Variants in INPP4B observed in about 807,000 individuals in gnomAD.
INPP4B encodes inositol polyphosphate 4-phosphatase type II.
Under a neutral mutation model 122.5 loss-of-function variants are expected in INPP4B, and 55 were observed. The ratio of observed to expected loss-of-function variants is 0.45; its 90% CI spans 0.36 to 0.56. The LOEUF (loss-of-function observed/expected upper bound fraction) is 0.56. INPP4B is among the 20% of genes least tolerant of loss of function. The probability of loss-of-function intolerance (pLI) is 0.00; values close to 1 mark genes in which losing one functional copy is unlikely to be tolerated. For missense variants in INPP4B, 1,000 were observed against 1,097.7 expected (o/e 0.91, Z 1.26); for synonymous variants, 403 against 388.7 (o/e 1.04, Z -0.43).
chr4:142,690,064 A>G (rs1190022527), intron 2 of INPP4B, among the ~76,000 whole-genome samples: 1 of 152,188 alleles, frequency 6.6e-6, no homozygotes, highest in Non-Finnish European at 1.5e-5. Flanking sequence ...ACTGAGTGAC[A>G]TGATTAGCTA....
At chr4:142,802,043 C>T (rs1052721963) in intron 1 of INPP4B, among the ~76,000 whole-genome samples, 1 of 152,114 alleles carries the variant, frequency 6.6e-6, no homozygotes, top group South Asian at 2.1e-4. Flanking sequence ...AGGACTTGGT[C>T]ACATACAGAA....
chr4:142,468,416 T>A (rs1175415912), intron 2 of INPP4B, among the ~76,000 whole-genome samples: 1 of 152,172 alleles, frequency 6.6e-6, no homozygotes, highest in Non-Finnish European at 1.5e-5. Context: ...GCCATGTAAG[T>A]CAGCAAATTC....
intron 7 of INPP4B, among the ~76,000 whole-genome samples, chr4:142,371,864 G>A (rs980374791): frequency 4.0e-5 from 6 of 151,274 alleles, no homozygotes; most frequent in South Asian, 2.1e-4. Flanking sequence ...TATGGAAAAC[G>A]GCATGGAAGT....
At position 142,033,106 on chromosome 4, in the gene INPP4B, C is replaced by A. The variant is rs533064337; in HGVS notation, c.2643-4192G>T. Among the ~76,000 whole-genome samples the A allele has an allele frequency of 5.9e-5, 9 of 152,268 alleles. No individual in the cohort carries two copies. The South Asian group carries it at 1.9e-3, about 32-fold the overall frequency. ...AAGAAAAGGAATCTGAACAATTGCT[C>A]ATCTGAGGGCCATGTGGGTCTCCAA... is the stretch of plus-strand genomic sequence containing the variant. On this transcript the variant is annotated intron_variant, in intron 25 of 25. Transcript: ENST00000262992.
intron 2 of INPP4B, among the ~76,000 whole-genome samples, chr4:142,501,944 A>C (rs528295457): frequency 6.6e-6 from 1 of 152,136 alleles, no homozygotes; most frequent in Non-Finnish European, 1.5e-5. Context: ...ACCCGTGAGC[A>C]TGGAAGTCAA....
At chr4:142,188,428 A>C (rs1254756649) in intron 15 of INPP4B, among the ~76,000 whole-genome samples, 1 of 133,064 alleles carries the variant, frequency 7.5e-6, no homozygotes, top group Admixed American at 9.1e-5. Flanking sequence ...CAGAGCTTGC[A>C]GTGAGCGAAG....
intron 11 of INPP4B, among the ~76,000 whole-genome samples, chr4:142,241,889 T>C (rs1031754582): frequency 2.0e-5 from 3 of 152,194 alleles, no homozygotes; most frequent in African/African-American, 7.2e-5. Context: ...TAATCTGTGA[T>C]TATCTTCACA....
intron 1 of INPP4B, among the ~76,000 whole-genome samples, chr4:142,762,070 G>C (rs1771420726): frequency 6.7e-6 from 1 of 149,732 alleles, no homozygotes; most frequent in South Asian, 2.1e-4. Flanking sequence ...AATCTTCTCA[G>C]GCAGAGAGTT....
chr4:142,474,532 G>T (rs1241454277), intron 2 of INPP4B: 1 of 152,390 alleles, frequency 6.6e-6, no homozygotes, highest in Non-Finnish European at 1.5e-5. Context: ...TGGTATCCAG[G>T]CAGGCAACAC....
chr4:142,575,609 T>C (rs1733668867), intron 2 of INPP4B, among the ~76,000 whole-genome samples: 1 of 151,982 alleles, frequency 6.6e-6, no homozygotes, highest in Non-Finnish European at 1.5e-5. Flanking sequence ...CACAAAGCCT[T>C]CGTCCGTATT....
At chr4:142,301,027 G>A (rs1016108588) in intron 9 of INPP4B, among the ~76,000 whole-genome samples, 2 of 152,162 alleles carry the variant, frequency 1.3e-5, no homozygotes, top group African/African-American at 4.8e-5. Flanking sequence ...GAAAGTTTCT[G>A]TGACAAGGTA....
chr4:142,350,431 T>C (rs1373808016), intron 7 of INPP4B, among the ~76,000 whole-genome samples: 2 of 152,112 alleles, frequency 1.3e-5, no homozygotes, highest in Non-Finnish European at 2.9e-5. Flanking sequence ...AACAAAAAAC[T>C]AAGACCTACA....
chr4:142,407,575 T>G (rs1277867923), intron 5 of INPP4B, among the ~76,000 whole-genome samples: 1 of 152,218 alleles, frequency 6.6e-6, no homozygotes, highest in Non-Finnish European at 1.5e-5. Flanking sequence ...TGATGCTTTG[T>G]ATTTTTATTA....
chr4:142,362,331 G>A (rs1444532766), intron 7 of INPP4B, among the ~76,000 whole-genome samples: 1 of 151,922 alleles, frequency 6.6e-6, no homozygotes, highest in Non-Finnish European at 1.5e-5. Flanking sequence ...TTATGACTCA[G>A]TTTGGAATAA....
At chr4:142,065,267 A>G (rs1431493185) in intron 25 of INPP4B, among the ~76,000 whole-genome samples, 1 of 150,944 alleles carries the variant, frequency 6.6e-6, no homozygotes, top group Non-Finnish European at 1.5e-5. Flanking sequence ...ACACACACAT[A>G]CATAGTGAAA....
chr4:142,042,516 G>GTGTATGTA (rs3043168), intron 25 of INPP4B, among the ~76,000 whole-genome samples: 29 of 48,194 alleles, frequency 6.0e-4, no homozygotes, highest in East Asian at 3.3e-3. Flanking sequence ...TTATGTGTGT[G>GTGTATGTA]TGTATGTATG....
intron 2 of INPP4B, among the ~76,000 whole-genome samples, chr4:142,601,344 A>T (rs1325017406): frequency 1.3e-5 from 2 of 152,154 alleles, no homozygotes; most frequent in Non-Finnish European, 2.9e-5. Flanking sequence ...AATTAAAATC[A>T]TATCAAGTAA....
chr4:142,099,686 A>G (rs1351981879), intron 23 of INPP4B, among the ~76,000 whole-genome samples: 1 of 152,176 alleles, frequency 6.6e-6, no homozygotes, highest in African/African-American at 2.4e-5. Context: ...ATTTAGACAC[A>G]CTTACTTAGC....
At chr4:142,593,036 C>T (rs941150758) in intron 2 of INPP4B, among the ~76,000 whole-genome samples, 3 of 150,918 alleles carry the variant, frequency 2.0e-5, no homozygotes, top group Non-Finnish European at 2.9e-5. Flanking sequence ...CTAGGGAGTT[C>T]AAGGCTGCAG....
Sources: allele counts gnomAD v4.1 joint callset (sites outside exome capture counted in the v4.1 genomes callset), GRCh38; gene constraint gnomAD v4.1.1; transcripts MANE v1.5; gene names NCBI Gene and HGNC (gene_info 2026-07-23, HGNC 2026-07-21).